Variants in MEGF10 observed in about 807,000 individuals in gnomAD.
MEGF10 encodes the protein multiple EGF like domains 10.
A neutral mutation model predicts 147.5 loss-of-function variants in MEGF10; 86 were observed. The ratio of observed to expected loss-of-function variants is 0.58; its 90% CI spans 0.49 to 0.70. MEGF10 has a LOEUF of 0.70. Among genes scored for constraint, MEGF10 ranks in the 30% least tolerant of loss-of-function variants. The pLI, the probability that MEGF10 is intolerant of heterozygous loss-of-function variation, is 0.00. For synonymous variants in MEGF10, 478 were observed against 525.5 expected, an observed-to-expected ratio of 0.91 and a Z score of 1.24; for missense variants, 1,329 against 1,487.3, an observed-to-expected ratio of 0.89 and a Z score of 1.75.
At chr5:127,448,651 A>G (rs751173174) in intron 21 of MEGF10, among the ~76,000 whole-genome samples, 2 of 152,180 alleles carry the variant, frequency 1.3e-5, no homozygotes, top group Non-Finnish European at 2.9e-5. Flanking sequence ...ACATTCATCA[A>G]TTTATTCTCA....
intron 19 of MEGF10, among the ~76,000 whole-genome samples, chr5:127,443,915 G>C (rs2127021500): frequency 6.6e-6 from 1 of 152,300 alleles, no homozygotes; most frequent in Non-Finnish European, 1.5e-5. Context: ...TCCAGTTTTT[G>C]CATGGACATG....
chr5:127,391,573 T>TA (rs1346677209), intron 5 of MEGF10, among the ~76,000 whole-genome samples: 4,815 of 113,670 alleles, frequency 0.042, 249 homozygotes, highest in African/African-American at 0.13. Context: ...CTGTCTAAAA[T>TA]AAAAAAAAAA....
At chr5:127,418,276 T>C (rs1284263718) in intron 10 of MEGF10, among the ~76,000 whole-genome samples, 1 of 152,232 alleles carries the variant, frequency 6.6e-6, no homozygotes, top group African/African-American at 2.4e-5. Context: ...CCTATAAATA[T>C]GTCTATATTC....
chr5:127,392,166 A>G (rs555674297), intron 5 of MEGF10, among the ~76,000 whole-genome samples: 1 of 152,326 alleles, frequency 6.6e-6, no homozygotes, highest in South Asian at 2.1e-4. Flanking sequence ...AGGGAGCAAG[A>G]GGACAGGTCT....
At chr5:127,308,274 G>C (rs1452680046) in intron 1 of MEGF10, among the ~76,000 whole-genome samples, 2 of 152,130 alleles carry the variant, frequency 1.3e-5, no homozygotes, top group Non-Finnish European at 2.9e-5. Flanking sequence ...AATAAGAATT[G>C]AAATTGAGAA....
the MEGF10 span, among the ~76,000 whole-genome samples, chr5:127,230,743 A>G: frequency 6.6e-6 from 1 of 152,166 alleles, no homozygotes; most frequent in East Asian, 1.9e-4. Context: ...TCTGTTTGCC[A>G]ATACCACGTA....
intron 13 of MEGF10, among the ~76,000 whole-genome samples, chr5:127,427,586 A>G (rs1351626553): frequency 6.6e-6 from 1 of 152,030 alleles, no homozygotes; most frequent in Admixed American, 6.5e-5. Flanking sequence ...CTTCCCAGCA[A>G]GCAGAACTAG....
At chr5:127,352,470 T>C (rs928967173) in intron 4 of MEGF10, among the ~76,000 whole-genome samples, 4 of 152,300 alleles carry the variant, frequency 2.6e-5, no homozygotes, top group Admixed American at 1.3e-4. Context: ...GAGACTAGCC[T>C]GGCCAACATG....
At chr5:127,255,735 A>G in the MEGF10 span, among the ~76,000 whole-genome samples, 2 of 152,188 alleles carry the variant, frequency 1.3e-5, no homozygotes, top group Admixed American at 1.3e-4. Context: ...TGGATTTTGA[A>G]TCCATCCTTC....
At chr5:127,312,887 A>G (rs1308660131) in intron 1 of MEGF10, among the ~76,000 whole-genome samples, 2 of 152,200 alleles carry the variant, frequency 1.3e-5, no homozygotes, top group Non-Finnish European at 2.9e-5. Context: ...ATATTTTAAT[A>G]AGATAAATTA....
At chr5:127,398,821 G>A in intron 7 of MEGF10, 25 bp downstream of exon 7, 1 of 1,612,746 alleles carries the variant, frequency 6.2e-7, no homozygotes, top group Non-Finnish European at 8.5e-7. Flanking sequence ...CACCTCCTCT[G>A]CCCCTGCCCC....
intron 18 of MEGF10, 118 bp from the exon 19 acceptor site, chr5:127,442,880 A>G: frequency 1.9e-6 from 2 of 1,052,502 alleles, no homozygotes; most frequent in South Asian, 3.2e-5. Flanking sequence ...GGTACAAGTC[A>G]GCCTCAATAG....
At chr5:127,422,149 G>T (rs1221619032) in intron 12 of MEGF10, among the ~76,000 whole-genome samples, 1 of 152,096 alleles carries the variant, frequency 6.6e-6, no homozygotes, top group Non-Finnish European at 1.5e-5. Context: ...ATAAACTAGG[G>T]TTTGAGTGAC....
intron 4 of MEGF10, among the ~76,000 whole-genome samples, chr5:127,354,955 C>A (rs1429201685): frequency 1.3e-5 from 2 of 152,088 alleles, no homozygotes; most frequent in African/African-American, 4.8e-5. Context: ...AAGAGCTGAA[C>A]TGAAGATAGT....
intron 20 of MEGF10, among the ~76,000 whole-genome samples, chr5:127,446,554 A>C (rs567126902): frequency 6.6e-6 from 1 of 152,238 alleles, no homozygotes; most frequent in Non-Finnish European, 1.5e-5. Flanking sequence ...TACTGTGAAC[A>C]AAAGTTCTCT....
At chr5:127,257,970 A>G in the MEGF10 span, among the ~76,000 whole-genome samples, 1 of 152,202 alleles carries the variant, frequency 6.6e-6, no homozygotes, top group African/African-American at 2.4e-5. Context: ...AACATTTGCT[A>G]TCAAGTGCTC....
intron 1 of MEGF10, among the ~76,000 whole-genome samples, chr5:127,304,445 A>T (rs1759921013): frequency 6.6e-6 from 1 of 152,082 alleles, no homozygotes. Flanking sequence ...ATGAGCTGGG[A>T]TGAAATAGCC....
chr5:127,249,109 G>A, the MEGF10 span, among the ~76,000 whole-genome samples: 1 of 151,858 alleles, frequency 6.6e-6, no homozygotes, highest in African/African-American at 2.4e-5. Flanking sequence ...ATAATTGACT[G>A]GTTCAAGCAA....
intron 5 of MEGF10, among the ~76,000 whole-genome samples, chr5:127,390,876 TA>T (rs1288774693): frequency 6.6e-6 from 1 of 152,118 alleles, no homozygotes; most frequent in Non-Finnish European, 1.5e-5. Flanking sequence ...GCTACCTGCG[TA>T]ACTTTGAGCA....
Sources: gnomAD v4.1 joint callset for allele counts (sites outside exome capture counted in the v4.1 genomes callset) on GRCh38, gnomAD v4.1.1 for gene constraint, MANE v1.5 for transcripts, NCBI Gene and HGNC (gene_info 2026-07-23, HGNC 2026-07-21) for gene names.